Variants in RNF6 observed in about 807,000 individuals in gnomAD.
RNF6 encodes ring finger protein 6.
RNF6 carries 21 observed loss-of-function variants against 50.1 expected under a neutral mutation model. That is an observed-to-expected ratio of 0.42 (90% CI 0.30 to 0.60). The LOEUF (loss-of-function observed/expected upper bound fraction) is 0.60, where lower values mean the gene tolerates loss of function less well. Ranked by LOEUF, RNF6 falls within the 20% of genes least tolerant of loss-of-function variation. The pLI is 0.20. For missense variants in RNF6, 698 were observed against 838.2 expected (o/e 0.83, Z 2.07); for synonymous variants, 255 against 291.8 (o/e 0.87, Z 1.29).
At chr13:26,190,309 C>A (rs1868406451) in intron 5 of RNF6, among the ~76,000 whole-genome samples, 1 of 152,184 alleles carries the variant, frequency 6.6e-6, no homozygotes, top group African/African-American at 2.4e-5. Context: ...TTAATCACAT[C>A]TACAAGATCT....
chr13:26,213,626 C>A lies in RNF6; in HGVS notation c.*198G>T. On this transcript the variant is annotated 3_prime_UTR_variant, in exon 5 of 5. Transcript: ENST00000381588. ...TAGCAATATTAACTATTCTGTATTT[C>A]TGGATAATTTAACATTTGTATTTTA... 2.3e-6 allele frequency: 1 copy of A among 435,540 alleles called. No individual in the cohort carries two copies. The highest frequency in any genetic ancestry group is 5.6e-5 in the South Asian group (1 of 17,836). The allele number at this position is 435,540 out of a possible 1,614,324, so 27.0% of individuals were successfully genotyped here. A position where few individuals can be genotyped will look rare whatever the true frequency, so the allele number is the denominator to read the frequency against.
intron 5 of RNF6, among the ~76,000 whole-genome samples, chr13:26,148,107 A>AG (rs1401966539): frequency 6.6e-6 from 1 of 152,222 alleles, no homozygotes. Context: ...GCGAAGGAGA[A>AG]GCAAGCACCT....
downstream of RNF6, among the ~76,000 whole-genome samples, chr13:26,208,625 T>C (rs1198329038): frequency 6.6e-6 from 1 of 152,204 alleles, no homozygotes; most frequent in African/African-American, 2.4e-5. Context: ...GGATGTGGTC[T>C]TGGAGACCCC....
At chr13:26,182,992 G>A (rs1449672055) in intron 5 of RNF6, among the ~76,000 whole-genome samples, 1 of 152,138 alleles carries the variant, frequency 6.6e-6, no homozygotes. Context: ...GTACCCTTTG[G>A]ATACTGTGGC....
At chr13:26,192,835 T>C (rs1272056170) in intron 5 of RNF6, among the ~76,000 whole-genome samples, 11 of 152,238 alleles carry the variant, frequency 7.2e-5, no homozygotes, top group Admixed American at 7.2e-4. Context: ...TATCTTGTTT[T>C]CAGCCTTGTG....
At chr13:26,210,767 C>A (rs890819903), downstream of RNF6, among the ~76,000 whole-genome samples, 3 of 152,130 alleles carry the variant, frequency 2.0e-5, no homozygotes, top group African/African-American at 7.2e-5. Flanking sequence ...AAAAATACTT[C>A]AAGGAGAGCT....
chr13:26,158,692 T>C (rs868154185), intron 5 of RNF6, among the ~76,000 whole-genome samples: 14 of 152,296 alleles, frequency 9.2e-5, no homozygotes, highest in Middle Eastern at 3.4e-3. Context: ...AAATTGTATA[T>C]CTATGTCTCA....
intron 5 of RNF6, among the ~76,000 whole-genome samples, chr13:26,188,394 T>C (rs190992450): frequency 6.6e-6 from 1 of 152,176 alleles, no homozygotes; most frequent in Non-Finnish European, 1.5e-5. Context: ...TTGAGACCAG[T>C]GAATCTGTAG....
At chr13:26,184,799 A>AATC (rs1873438579) in intron 5 of RNF6, among the ~76,000 whole-genome samples, 1 of 152,152 alleles carries the variant, frequency 6.6e-6, no homozygotes, top group African/African-American at 2.4e-5. Context: ...AATGCTAAGC[A>AATC]TACACACTGT....
chr13:26,158,923 T>A (rs1158897672), intron 5 of RNF6, among the ~76,000 whole-genome samples: 2 of 152,220 alleles, frequency 1.3e-5, no homozygotes, highest in East Asian at 3.8e-4. Flanking sequence ...TAATTTATGA[T>A]CTGGAACCTT....
At chr13:26,170,170 T>C (rs1872628832) in intron 5 of RNF6, among the ~76,000 whole-genome samples, 1 of 151,998 alleles carries the variant, frequency 6.6e-6, no homozygotes, top group Non-Finnish European at 1.5e-5. Context: ...AAATAAGGCT[T>C]TAGATAATGG....
chr13:26,207,633 G>A (rs919903274), intron 5 of RNF6, among the ~76,000 whole-genome samples: 5 of 152,170 alleles, frequency 3.3e-5, no homozygotes, highest in South Asian at 2.1e-4. Flanking sequence ...CAAAGCAGCC[G>A]GCCATCTCAG....
At chr13:26,168,636 T>C (rs1325983201) in intron 5 of RNF6, among the ~76,000 whole-genome samples, 1 of 152,228 alleles carries the variant, frequency 6.6e-6, no homozygotes, top group Non-Finnish European at 1.5e-5. Flanking sequence ...GCTCATCCTC[T>C]CCTTCACTTT....
chr13:26,169,892 A>C (rs913233387), intron 5 of RNF6, among the ~76,000 whole-genome samples: 1 of 152,194 alleles, frequency 6.6e-6, no homozygotes, highest in Non-Finnish European at 1.5e-5. Flanking sequence ...AGTGAAGCTG[A>C]GTTCACACTC....
rs1223784919 is a variant in RNF6 at position 26,215,508 on chromosome 13, C to T, written c.374G>A (p.Arg125Gln). The T allele has an allele frequency of 3.1e-6, 5 of 1,613,876 alleles. No individual in the cohort carries two copies. The highest frequency in any genetic ancestry group is 2.7e-5 in the African/African-American group (2 of 75,040). Residue 125 changes from arginine to glutamine, a missense_variant, in exon 5 of 5, where the codon CGA becomes CAA. Transcript: ENST00000381588. ...AGTTTGGTTCCCATTTTGTCCACTT[C>T]GAGTTGCATTTCCTGTGCGCCGAAA... ...NTFRRTGNAT[R>Q]SGQNGNQTWR...
At chr13:26,207,355 A>C (rs1411338735) in intron 5 of RNF6, among the ~76,000 whole-genome samples, 1 of 152,220 alleles carries the variant, frequency 6.6e-6, no homozygotes, top group Non-Finnish European at 1.5e-5. Flanking sequence ...TTCTAAGAAC[A>C]GTAGGAAATT....
chr13:26,137,288 A>G (rs116786402), intron 5 of RNF6, among the ~76,000 whole-genome samples: 6,631 of 152,176 alleles, frequency 0.044, 256 homozygotes, highest in African/African-American at 0.1. Context: ...GGGGTAAATA[A>G]TAGATTAACT....
intron 5 of RNF6, among the ~76,000 whole-genome samples, chr13:26,177,939 A>G (rs929618458): frequency 7.2e-5 from 11 of 152,174 alleles, no homozygotes; most frequent in African/African-American, 2.7e-4. Flanking sequence ...TAATCCCAGC[A>G]CTTTGGGAGG....
intron 5 of RNF6, among the ~76,000 whole-genome samples, chr13:26,190,788 A>G (rs117733839): frequency 0.012 from 1,795 of 152,340 alleles, 17 homozygotes; most frequent in Non-Finnish European, 0.017. Context: ...AAGGTTTACT[A>G]CTGTTAATGT....
Sources: allele counts gnomAD v4.1 joint callset (sites outside exome capture counted in the v4.1 genomes callset), GRCh38; gene constraint gnomAD v4.1.1; transcripts MANE v1.5; gene names NCBI Gene and HGNC (gene_info 2026-07-23, HGNC 2026-07-21).